Variants in PIGL observed in about 807,000 individuals in gnomAD.
PIGL encodes the protein N-acetylglucosaminyl-phosphatidylinositol de-N-acetylase.
In PIGL, 22 loss-of-function variants were observed where a neutral mutation model predicts 31.1. The ratio of observed to expected loss-of-function variants is 0.71; its 90% confidence interval spans 0.51 to 1.01. The LOEUF (loss-of-function observed/expected upper bound fraction) is 1.01, where lower values mean the gene tolerates loss of function less well. Ranked by LOEUF, PIGL falls within the 50% of genes least tolerant of loss-of-function variation. PIGL has a pLI of 0.00. For synonymous variants in PIGL, 131 were observed against 117.4 expected (o/e 1.12, Z -0.75); for missense variants, 302 against 315.9 (o/e 0.96, Z 0.33).
chr17:16,241,770 T>A (rs9916220), intron 2 of PIGL, among the ~76,000 whole-genome samples: 61,736 of 151,854 alleles, frequency 0.41, 13,426 homozygotes, highest in Middle Eastern at 0.53. Context: ...AAAATTAGCA[T>A]CAAATGGTAT....
chr17:16,266,126 A>G (rs1283359289), intron 2 of PIGL, among the ~76,000 whole-genome samples: 1 of 152,048 alleles, frequency 6.6e-6, no homozygotes, highest in Non-Finnish European at 1.5e-5. Flanking sequence ...TAGAATGAGT[A>G]TCTTCTGGCC....
chr17:16,314,841 G>A (rs1303021766), intron 4 of PIGL, among the ~76,000 whole-genome samples: 1 of 152,106 alleles, frequency 6.6e-6, no homozygotes, highest in African/African-American at 2.4e-5. Context: ...CCAACCACAT[G>A]GTTACTCTGA....
At chr17:16,237,983 G>A (rs1006328637) in intron 2 of PIGL, among the ~76,000 whole-genome samples, 3 of 151,620 alleles carry the variant, frequency 2.0e-5, no homozygotes, top group Non-Finnish European at 2.9e-5. Context: ...GGATCACGAG[G>A]TCAGGAGTTC....
At chr17:16,286,668 C>T (rs2092939235) in intron 2 of PIGL, among the ~76,000 whole-genome samples, 1 of 152,152 alleles carries the variant, frequency 6.6e-6, no homozygotes, top group African/African-American at 2.4e-5. Flanking sequence ...TTGCTAAATA[C>T]ACCCCAGGGA....
chr17:16,254,900 CCCA>C (rs1302542853), intron 2 of PIGL, among the ~76,000 whole-genome samples: 3 of 152,312 alleles, frequency 2.0e-5, no homozygotes, highest in Non-Finnish European at 4.4e-5. Flanking sequence ...CCATGCCTGG[CCCA>C]TATACACTAG....
rs925203572 is a variant in PIGL, at chr17:16,296,745, C to A, written c.336-3143C>A. ...CACATTTCTTTACAGTTCTTGAAGTCTCGCTCTGTTGCCCAGGCTGGAGTG... is the reference window on the plus strand; with the variant it reads ...CACATTTCTTTACAGTTCTTGAAGTATCGCTCTGTTGCCCAGGCTGGAGTG... On this transcript the variant is annotated intron_variant, in intron 2 of 6. Coordinates refer to ENST00000225609, the MANE Select transcript of PIGL (RefSeq NM_004278.4). Among the ~76,000 whole-genome samples the A allele has an allele frequency of 4.6e-5, 7 of 151,726 alleles. 1 individual carries two copies. Among genetic ancestry groups the A allele is most frequent in the African/African-American group, 1.7e-4 (7 of 41,416 alleles).
At chr17:16,317,679 C>G in intron 5 of PIGL, 96 bp from the exon 6 acceptor site, 1 of 1,579,746 alleles carries the variant, frequency 6.3e-7, no homozygotes, top group South Asian at 1.2e-5. Flanking sequence ...CTGTCCTGCC[C>G]TGCCCTGAGC....
chr17:16,256,144 T>C (rs974483873), intron 2 of PIGL, among the ~76,000 whole-genome samples: 1 of 152,176 alleles, frequency 6.6e-6, no homozygotes, highest in African/African-American at 2.4e-5. Flanking sequence ...ATTCAAAGTG[T>C]CTTTATGTAT....
intron 2 of PIGL, among the ~76,000 whole-genome samples, chr17:16,248,745 C>G (rs2092758933): frequency 6.6e-6 from 1 of 152,216 alleles, no homozygotes; most frequent in Admixed American, 6.5e-5. Flanking sequence ...AAGCCACTTG[C>G]ACATTTTTAT....
At chr17:16,222,382 A>ATC (rs1373932927) in intron 1 of PIGL, among the ~76,000 whole-genome samples, 1 of 152,012 alleles carries the variant, frequency 6.6e-6, no homozygotes, top group Non-Finnish European at 1.5e-5. Context: ...TTCTAACAAG[A>ATC]TCTTCAGTTT....
At chr17:16,289,099 G>A (rs1227216853) in intron 2 of PIGL, among the ~76,000 whole-genome samples, 1 of 151,000 alleles carries the variant, frequency 6.6e-6, no homozygotes, top group Non-Finnish European at 1.5e-5. Flanking sequence ...AAGGTCAGGT[G>A]AGATAAACTG....
chr17:16,259,337 A>C (rs769428247), intron 2 of PIGL, among the ~76,000 whole-genome samples: 5 of 135,602 alleles, frequency 3.7e-5, no homozygotes, highest in Non-Finnish European at 7.9e-5. Flanking sequence ...ATTGATTTTC[A>C]ACAATGGTGC....
intron 2 of PIGL, chr17:16,281,999 TG>T: frequency 2.0e-6 from 1 of 508,364 alleles, no homozygotes. Flanking sequence ...CAGCTGTCCA[TG>T]GGGGCACTGC....
At chr17:16,248,198 A>T (rs2092756950) in intron 2 of PIGL, among the ~76,000 whole-genome samples, 1 of 151,886 alleles carries the variant, frequency 6.6e-6, no homozygotes, top group Non-Finnish European at 1.5e-5. Context: ...AAGCTTTCTC[A>T]TTTTTTTACA....
chr17:16,244,500 C>T (rs914961693), intron 2 of PIGL, among the ~76,000 whole-genome samples: 4 of 152,168 alleles, frequency 2.6e-5, no homozygotes, highest in Non-Finnish European at 5.9e-5. Context: ...GCAGTGTCTG[C>T]TTTGGCCCAG....
intron 2 of PIGL, 69 bp from the exon 3 acceptor site, chr17:16,299,819 C>G: frequency 9.0e-7 from 1 of 1,110,200 alleles, no homozygotes; most frequent in East Asian, 2.3e-5. Context: ...GGGCATGCAC[C>G]TACTGGAGCT....
intron 2 of PIGL, among the ~76,000 whole-genome samples, chr17:16,288,329 C>G (rs2092946535): frequency 6.6e-6 from 1 of 152,094 alleles, no homozygotes; most frequent in Admixed American, 6.6e-5. Flanking sequence ...GCCTCAGCCT[C>G]CCGAGTAGCT....
At chr17:16,257,535 G>A (rs141452081) in intron 2 of PIGL, among the ~76,000 whole-genome samples, 1 of 152,268 alleles carries the variant, frequency 6.6e-6, no homozygotes, top group African/African-American at 2.4e-5. Flanking sequence ...AAAGTCCAAG[G>A]TGCAGCATGT....
At chr17:16,237,101 C>CTTTTTT (rs71150281) in intron 2 of PIGL, among the ~76,000 whole-genome samples, 9 of 58,142 alleles carry the variant, frequency 1.5e-4, no homozygotes, top group East Asian at 4.0e-4. Flanking sequence ...CCACACCTGG[C>CTTTTTT]TTTTTTTTTT....
Sources: allele counts gnomAD v4.1 joint callset (sites outside exome capture counted in the v4.1 genomes callset), GRCh38; gene constraint gnomAD v4.1.1; transcripts MANE v1.5; gene names NCBI Gene and HGNC (gene_info 2026-07-23, HGNC 2026-07-21).